Variants in FMN2 observed in about 807,000 individuals in gnomAD.
FMN2 encodes the protein formin-2.
A neutral mutation model predicts 142.3 loss-of-function variants in FMN2; 51 were observed. The observed-to-expected ratio is 0.36, with a 90% CI of 0.29 to 0.45. FMN2 has a LOEUF of 0.45. Ranked by LOEUF, FMN2 falls within the 20% of genes least tolerant of loss-of-function variation. FMN2 has a pLI of 1.00. For synonymous variants in FMN2, 882 were observed against 869.8 expected, an observed-to-expected ratio of 1.01 and a Z score of -0.25; for missense variants, 1,936 against 2,122.8, an observed-to-expected ratio of 0.91 and a Z score of 1.73.
intron 2 of FMN2, among the ~76,000 whole-genome samples, chr1:240,140,668 G>T (rs1663144342): frequency 6.6e-6 from 1 of 151,880 alleles, no homozygotes; most frequent in African/African-American, 2.4e-5. Context: ...TTCTGTGGGG[G>T]GTGGGTGGGA....
intron 8 of FMN2, among the ~76,000 whole-genome samples, chr1:240,315,898 A>G (rs1446732249): frequency 3.9e-5 from 6 of 152,214 alleles, no homozygotes; most frequent in Non-Finnish European, 8.8e-5. Context: ...CCCTTTAATA[A>G]TGCAAAAGTA....
intron 8 of FMN2, among the ~76,000 whole-genome samples, chr1:240,310,404 T>G (rs1379074): frequency 0.14 from 21,869 of 152,174 alleles, 1,677 homozygotes; most frequent in South Asian, 0.23. Context: ...ATTGCATATG[T>G]TTGGCAGTGA....
intron 2 of FMN2, chr1:240,144,789 T>A: frequency 7.1e-7 from 1 of 1,415,982 alleles, no homozygotes; most frequent in East Asian, 2.3e-5. Context: ...TCGTGGACCA[T>A]GTTGTAGGGG....
chr1:240,093,517 C>G lies in FMN2; in HGVS notation c.1408C>G (p.Arg470Gly), dbSNP rs997168836. The change falls in exon 1 of 18, where the codon CGG becomes GGG. Residue 470 changes from arginine (R) to glycine (G), a missense_variant. Arg to Gly is a moderately radical substitution (Grantham distance 125). Transcript: ENST00000319653. ...ASVAAPAKKHRADGGLAAGLS... is the reference protein window; with the variant it reads ...ASVAAPAKKHGADGGLAAGLS... ...CGTAGCCGCCCCGGCCAAGAAGCAC[C>G]GGGCCGACGGCGGCCTTGCGGCCGG... 15 of 1,589,524 alleles carry G rather than the reference C, an allele frequency of 9.4e-6. No individual in the cohort carries two copies. The highest frequency in any genetic ancestry group is 1.4e-5 in the African/African-American group (1 of 72,676).
chr1:240,184,975 T>TG (rs1558344910), intron 3 of FMN2, among the ~76,000 whole-genome samples: 1 of 146,358 alleles, frequency 6.8e-6, no homozygotes, highest in African/African-American at 2.6e-5. Flanking sequence ...CTCCTATACC[T>TG]TCCCCTTCTC....
Position 240,208,679 on chromosome 1 carries a change from T to G in FMN2, c.3867T>G (p.Pro1289=). 1 of 1,613,814 alleles carries G rather than the reference T, an allele frequency of 6.2e-7. No homozygotes were observed. Among genetic ancestry groups the G allele is most frequent in the Non-Finnish European group, 8.5e-7 (1 of 1,179,958 alleles). ...DKGSRKQPIE[P]CRPMKPLYWT... ...GGAGTAGGAAGCAGCCCATAGAGCC[T>G]TGTCGACCAATGAAGCCTCTTTACT... Residue 1289 remains proline, a synonymous_variant, in exon 5 of 18, where the codon CCT becomes CCG. Transcript: ENST00000319653.
intron 6 of FMN2, among the ~76,000 whole-genome samples, chr1:240,250,578 C>T (rs753662359): frequency 1.3e-5 from 2 of 152,050 alleles, no homozygotes; most frequent in Non-Finnish European, 2.9e-5. Context: ...GTTTTGGTAT[C>T]AGGGTAATGC....
intron 14 of FMN2, among the ~76,000 whole-genome samples, chr1:240,369,483 G>T (rs1332917788): frequency 6.6e-6 from 1 of 151,904 alleles, no homozygotes; most frequent in Non-Finnish European, 1.5e-5. Flanking sequence ...TTCATATTAT[G>T]CCGCCTTCTA....
chr1:240,187,417 C>T (rs1239637569), intron 3 of FMN2, among the ~76,000 whole-genome samples: 1 of 152,062 alleles, frequency 6.6e-6, no homozygotes, highest in East Asian at 1.9e-4. Context: ...ACCTTGCCAA[C>T]AACCACTTGC....
chr1:240,436,111 C>A (rs1675360382), intron 15 of FMN2, among the ~76,000 whole-genome samples: 2 of 152,158 alleles, frequency 1.3e-5, no homozygotes, highest in African/African-American at 4.8e-5. Flanking sequence ...ACTCTCCGGG[C>A]AGTTCTGATG....
intron 14 of FMN2, among the ~76,000 whole-genome samples, chr1:240,372,217 CAG>C (rs1280237248): frequency 2.0e-5 from 3 of 152,122 alleles, no homozygotes; most frequent in African/African-American, 7.2e-5. Flanking sequence ...GCCTGGGCAA[CAG>C]AGAGAGACTC....
At chr1:240,419,396 C>T (rs978797111) in intron 15 of FMN2, among the ~76,000 whole-genome samples, 2 of 151,824 alleles carry the variant, frequency 1.3e-5, no homozygotes, top group Non-Finnish European at 2.9e-5. Context: ...TACTTTCAAC[C>T]TTTCTGTGTC....
chr1:240,258,155 C>T (rs1271961963), intron 7 of FMN2, 123 bp downstream of exon 7: 12 of 670,282 alleles, frequency 1.8e-5, no homozygotes, highest in Non-Finnish European at 3.0e-5. Context: ...GTATATATCC[C>T]GTAAGTGTGA....
At position 240,142,600 on chromosome 1, in the gene FMN2, C is replaced by G; in HGVS notation, c.1782+19255C>G. ...TCCCCCGGAAGTCTGCAGCTGTGTCCACCCTTGGCAGCAGGATGCATGGCC... is the reference window on the plus strand; with the variant it reads ...TCCCCCGGAAGTCTGCAGCTGTGTCGACCCTTGGCAGCAGGATGCATGGCC... On this transcript the variant is annotated intron_variant, in intron 2 of 17. Transcript: ENST00000319653. The G allele has an allele frequency of 2.1e-6, 3 of 1,461,998 alleles. No homozygotes were observed. The Admixed American group carries it at 5.6e-5, about 27-fold the overall frequency. 90.6% of individuals were successfully genotyped at this position (1,461,998 alleles called of 1,614,324 possible).
chr1:240,252,952 A>ATTTTTTTTTTTTTTTT (rs1572118578), intron 6 of FMN2, among the ~76,000 whole-genome samples: 4 of 33,882 alleles, frequency 1.2e-4, no homozygotes, highest in Non-Finnish European at 2.0e-4. Flanking sequence ...AGTCTTGTTC[A>ATTTTTTTTTTTTTTTT]CTTTTTTTTT....
At chr1:240,309,228 A>C (rs1670517550) in intron 8 of FMN2, among the ~76,000 whole-genome samples, 1 of 152,146 alleles carries the variant, frequency 6.6e-6, no homozygotes, top group Non-Finnish European at 1.5e-5. Context: ...TCCCCTCTCT[A>C]AGACTGGGGT....
chr1:240,098,097 A>T (rs1389889391), intron 1 of FMN2, among the ~76,000 whole-genome samples: 100 of 98,656 alleles, frequency 1.0e-3, no homozygotes, highest in African/African-American at 4.2e-3. Flanking sequence ...GTTATCTTGA[A>T]TTTTTTTTTT....
chr1:240,405,834 G>A (rs952595916), intron 15 of FMN2, among the ~76,000 whole-genome samples: 19 of 152,152 alleles, frequency 1.2e-4, no homozygotes, highest in Admixed American at 6.5e-5. Flanking sequence ...GTTTTATAAG[G>A]CAAATCAGAA....
At chr1:240,369,324 A>T (rs1672786889) in intron 14 of FMN2, among the ~76,000 whole-genome samples, 1 of 152,182 alleles carries the variant, frequency 6.6e-6, no homozygotes, top group African/African-American at 2.4e-5. Context: ...GCATGTTTTA[A>T]TGCTAATCTT....
Sources: gnomAD v4.1 joint callset for allele counts (sites outside exome capture counted in the v4.1 genomes callset) on GRCh38, gnomAD v4.1.1 for gene constraint, MANE v1.5 for transcripts, NCBI Gene and HGNC (gene_info 2026-07-23, HGNC 2026-07-21) for gene names.